GATA3: variants seen among roughly 807,000 people sequenced by gnomAD.
The protein encoded by GATA3 is trans-acting T-cell-specific transcription factor GATA-3.
In GATA3, 6 loss-of-function variants were observed where a neutral mutation model predicts 36.0. The ratio of observed to expected loss-of-function variants is 0.17; its 90% CI spans 0.09 to 0.33. The LOEUF (loss-of-function observed/expected upper bound fraction) is 0.33. Ranked by LOEUF, GATA3 falls within the 10% of genes least tolerant of loss-of-function variation. The pLI is 1.00. For missense variants in GATA3, 514 were observed against 610.1 expected (o/e 0.84, Z 1.66); for synonymous variants, 326 against 273.0 (o/e 1.19, Z -1.92).
chr10:8,047,785 C>T (rs1261212780), intron 1 of GATA3, among the ~76,000 whole-genome samples: 1 of 152,184 alleles, frequency 6.6e-6, no homozygotes, highest in East Asian at 1.9e-4. Context: ...TGGAAGGCAG[C>T]CTAGAGCTGA....
chr10:8,066,403 T>C (rs1366750808), intron 4 of GATA3, among the ~76,000 whole-genome samples: 1 of 151,044 alleles, frequency 6.6e-6, no homozygotes, highest in Non-Finnish European at 1.5e-5. Context: ...TACAGGGAGG[T>C]AGAACACAGG....
At position 8,074,332 on chromosome 10, in the gene GATA3, A is replaced by C; in HGVS notation, c.*309A>C. 1 of 365,800 alleles carries C rather than the reference A, an allele frequency of 2.7e-6. No individual in the cohort carries two copies. Among genetic ancestry groups the C allele is most frequent in the Admixed American group, 4.3e-5 (1 of 23,470 alleles). The allele number at this position is 365,800 out of a possible 1,614,324, so 22.7% of individuals were successfully genotyped here. A position where few individuals can be genotyped will look rare whatever the true frequency, so the allele number is the denominator to read the frequency against. On this transcript the variant is annotated 3_prime_UTR_variant, in exon 6 of 6. Coordinates refer to ENST00000379328, the MANE Select transcript of GATA3 (RefSeq NM_001002295.2). ...ACTTATATTGTAAGAAATACTGTAC[A>C]ATGACTTTATTGCATCTGGGTAGCT... is the stretch of plus-strand genomic sequence containing the variant.
intron 2 of GATA3, 143 bp downstream of exon 2, chr10:8,056,039 G>C: frequency 8.6e-7 from 1 of 1,158,704 alleles, no homozygotes; most frequent in South Asian, 1.4e-5. Context: ...AAAAATTGGG[G>C]CCCGGAAATG....
chr10:8,069,337 G>A (rs1483050349), intron 4 of GATA3, 136 bp from the exon 5 acceptor site: 38 of 903,190 alleles, frequency 4.2e-5, no homozygotes, highest in South Asian at 1.4e-4. Flanking sequence ...TTACTTTCAT[G>A]TGGACCACTT....
intron 4 of GATA3, 45 bp downstream of exon 4, chr10:8,064,183 T>G: frequency 6.2e-7 from 1 of 1,612,806 alleles, no homozygotes; most frequent in Non-Finnish European, 8.5e-7. Flanking sequence ...CCATTCTGGG[T>G]TTCTCATTTC....
At chr10:8,050,874 G>T, upstream of GATA3, 1 of 448,028 alleles carries the variant, frequency 2.2e-6, no homozygotes, top group Non-Finnish European at 4.5e-6. Flanking sequence ...TTAGGACTTC[G>T]ACCCCGGGGC....
At chr10:8,051,102 C>G (rs1216092127), upstream of GATA3, 3 of 525,794 alleles carry the variant, frequency 5.7e-6, no homozygotes, top group Admixed American at 2.0e-5. Context: ...TTTCTGTACC[C>G]GACTGGGTTT....
intron 3 of GATA3, among the ~76,000 whole-genome samples, chr10:8,062,303 C>A (rs1043780232): frequency 5.1e-4 from 78 of 151,496 alleles, no homozygotes; most frequent in Admixed American, 2.0e-3. Context: ...CTCTGGGGAC[C>A]CTAGGCTAAG....
intron 5 of GATA3, among the ~76,000 whole-genome samples, chr10:8,071,073 CT>C (rs1246488184): frequency 3.3e-5 from 5 of 152,166 alleles, no homozygotes; most frequent in Non-Finnish European, 7.4e-5. Context: ...TATTTTTGGG[CT>C]GTAATTTATG....
rs2131524787 is a variant in GATA3, at chr10:8,074,661, T to C, written c.*638T>C. On this transcript the variant is annotated 3_prime_UTR_variant, in exon 6 of 6. Coordinates refer to ENST00000379328, the MANE Select transcript of GATA3 (RefSeq NM_001002295.2). ...TTGAGGGTTTCAGAGAGCCTTTTTC[T>C]AGGCCTACATGCTTTGTGAACAAGT... The C allele has an allele frequency of 8.6e-6, 2 of 233,842 alleles. No individual in the cohort carries two copies. The highest frequency in any genetic ancestry group is 1.2e-4 in the East Asian group (2 of 16,590). The allele number at this position is 233,842 out of a possible 1,614,324, so 14.5% of individuals were successfully genotyped here.
intron 1 of GATA3, among the ~76,000 whole-genome samples, chr10:8,045,820 C>T (rs987958751): frequency 6.6e-6 from 1 of 152,078 alleles, no homozygotes; most frequent in African/African-American, 2.4e-5. Context: ...TGGAAAGGGC[C>T]GGAGACACGT....
At chr10:8,046,193 C>A (rs1832384818) in intron 1 of GATA3, among the ~76,000 whole-genome samples, 1 of 152,180 alleles carries the variant, frequency 6.6e-6, no homozygotes, top group Non-Finnish European at 1.5e-5. Flanking sequence ...GACAGCAGAC[C>A]AACAGACCTC....
At chr10:8,047,448 G>A (rs984854548) in intron 1 of GATA3, among the ~76,000 whole-genome samples, 5 of 152,266 alleles carry the variant, frequency 3.3e-5, no homozygotes, top group Admixed American at 1.3e-4. Flanking sequence ...ACATAAATGT[G>A]CATTCTTCTC....
chr10:8,058,923 C>T, intron 3 of GATA3, 82 bp downstream of exon 3: 1 of 1,359,704 alleles, frequency 7.4e-7, no homozygotes, highest in South Asian at 1.2e-5. Context: ...AGAGGGACCC[C>T]TCAGGGGAGC....
In GATA3 at chr10:8,055,715, C is replaced by T. The variant is rs1208325486; in HGVS notation, c.60C>T (p.Asn20=). 6.4e-7 allele frequency: 1 copy of T among 1,567,164 alleles called. No homozygotes were observed. Among genetic ancestry groups the T allele is most frequent in the South Asian group, 1.2e-5 (1 of 85,334 alleles). The change falls in exon 2 of 6, where the codon AAC becomes AAT. Residue 20 remains asparagine (N), a synonymous_variant. Transcript: ENST00000379328. The surrounding 1 kb of genome is among the most constrained non-coding windows in gnomAD (Gnocchi z 5.4). ...GCCACCACCACCCCGCCGTGCTCAA[C>T]GGGCAGCACCCGGACACGCACCACC... ...WVSHHHPAVL[N]GQHPDTHHPG...
chr10:8,053,767 C>T (rs1832561202), upstream of GATA3: 1 of 152,250 alleles, frequency 6.6e-6, no homozygotes, highest in African/African-American at 2.4e-5. This position sits in a 1 kb window ranked among gnomAD's most constrained non-coding sequence, Gnocchi z 5.1. Flanking sequence ...GGGAGAAACG[C>T]CGGGAGCCGG....
rs545553575 is a variant in GATA3, at chr10:8,058,486, G to T, written c.423G>T (p.Leu141Phe). ...ACCCCCCGGCCTCGTCCTCCTCCTTGTCGGGGGGCCACGCCAGCCCGCACC... is the reference window on the plus strand; with the variant it reads ...ACCCCCCGGCCTCGTCCTCCTCCTTTTCGGGGGGCCACGCCAGCCCGCACC... ...SVYPPASSSSLSGGHASPHLF... is the reference protein window; with the variant it reads ...SVYPPASSSSFSGGHASPHLF... The change falls in exon 3 of 6, where the codon TTG becomes TTT. Residue 141 changes from leucine to phenylalanine, a missense_variant. Physicochemically the swap from Leu to Phe is conservative, Grantham distance 22. This residue lies in a region of GATA3 where 381 missense variants were observed against 354.3 expected (regional missense o/e 1.08). Coordinates refer to ENST00000379328, the MANE Select transcript of GATA3 (RefSeq NM_001002295.2). 19 of 1,612,340 alleles carry T rather than the reference G, an allele frequency of 1.2e-5. No individual in the cohort carries two copies. The highest frequency in any genetic ancestry group is 1.4e-5 in the Non-Finnish European group (16 of 1,179,752).
chr10:8,065,962 TAAAAAAA>T (rs66810069), intron 4 of GATA3, among the ~76,000 whole-genome samples: 1 of 91,084 alleles, frequency 1.1e-5, no homozygotes, highest in Non-Finnish European at 2.2e-5. Flanking sequence ...CTGGCCTTAG[TAAAAAAA>T]AAAAAAAAAA....
chr10:8,045,922 T>A lies in GATA3; in HGVS notation c.-370+407T>A, dbSNP rs146016315. ...GGTGGCTTCAGTGTCAATTTCATGTTTATTTTCCTCTGTTTAAAGGTGTGT... is the reference window on the plus strand; with the variant it reads ...GGTGGCTTCAGTGTCAATTTCATGTATATTTTCCTCTGTTTAAAGGTGTGT... On this transcript the variant is annotated intron_variant, in intron 1 of 1. Coordinates refer to the GATA3 transcript ENST00000643001. 5.3e-5 allele frequency among the ~76,000 whole-genome samples: 8 copies of A among 152,128 alleles called. No homozygotes were observed. In the East Asian group the frequency reaches 1.5e-3, roughly 29 times the overall value.
Sources: gnomAD v4.1 joint callset for allele counts (sites outside exome capture counted in the v4.1 genomes callset) on GRCh38, gnomAD v4.1.1 for gene constraint, gnomAD v4.1.1 regional missense constraint, Gnocchi (gnomAD v3.1) non-coding constraint, MANE v1.5 for transcripts, NCBI Gene and HGNC (gene_info 2026-07-23, HGNC 2026-07-21) for gene names.